The following ULK4 variants were observed in gnomAD, a reference collection of about 807,000 sequenced individuals.
ULK4 encodes the protein unc-51 like kinase 4, also known as inactive serine/threonine-protein kinase ULK4.
A neutral mutation model predicts 160.6 loss-of-function variants in ULK4; 133 were observed. The ratio of observed to expected loss-of-function variants is 0.83; its 90% CI spans 0.72 to 0.96. ULK4 has a LOEUF of 0.96. ULK4 is among the 40% of genes least tolerant of loss of function. The pLI, the probability that ULK4 is intolerant of heterozygous loss-of-function variation, is 0.00. For missense variants in ULK4, 1,580 were observed against 1,499.5 expected, an observed-to-expected ratio of 1.05 and a Z score of -0.89; for synonymous variants, 534 against 539.8, an observed-to-expected ratio of 0.99 and a Z score of 0.15.
intron 17 of ULK4, chr3:41,859,321 A>AC: frequency 1.7e-6 from 1 of 590,522 alleles, no homozygotes; most frequent in Non-Finnish European, 3.3e-6. Flanking sequence ...GACCTCAAAG[A>AC]CTGAGCACTG....
At chr3:41,689,714 A>C (rs1357371629) in intron 27 of ULK4, among the ~76,000 whole-genome samples, 1 of 152,256 alleles carries the variant, frequency 6.6e-6, no homozygotes. Context: ...TGGCTATCAG[A>C]GAAATGCAAA....
In ULK4 at chr3:41,353,672, A is replaced by AAATAAT. The variant is rs142972443; in HGVS notation, c.3678+44401_3678+44406dup. ...AATGGAGCAAGACCCTTTCTCTAAT[A>AAATAAT]AATAATAATAATAATAATAATTACA... On this transcript the variant is annotated intron_variant, in intron 35 of 36. Transcript: ENST00000301831. 1.8e-3 allele frequency among the ~76,000 whole-genome samples: 251 copies of AAATAAT among 142,402 alleles called. 3 individuals carry two copies. The highest frequency in any genetic ancestry group is 6.4e-3 in the African/African-American group (241 of 37,688). The allele number at this position is 142,402 out of a possible 152,430, so 93.4% of individuals were successfully genotyped here. A position where few individuals can be genotyped will look rare whatever the true frequency, so the allele number is the denominator to read the frequency against.
intron 32 of ULK4, among the ~76,000 whole-genome samples, chr3:41,555,688 TA>T (rs2087266576): frequency 6.6e-6 from 1 of 152,168 alleles, no homozygotes; most frequent in South Asian, 2.1e-4. Flanking sequence ...CAAAGGAATA[TA>T]AATCATTCTA....
At chr3:41,459,019 G>T (rs2083619856) in intron 33 of ULK4, among the ~76,000 whole-genome samples, 1 of 151,368 alleles carries the variant, frequency 6.6e-6, no homozygotes, top group Non-Finnish European at 1.5e-5. Flanking sequence ...CTCCCAAAGT[G>T]CTGGGATTAC....
rs373137242 is a variant in ULK4 at position 41,943,176 on chromosome 3, G to A, written c.139-4979C>T. On this transcript the variant is annotated intron_variant, in intron 2 of 36. Transcript: ENST00000301831. ...TGCAGTGAGCCAAGATCGTGCCACC[G>A]CACTCCAGCCTGGGCGACAGAGCGA... Among the ~76,000 whole-genome samples the A allele has an allele frequency of 1.7e-3, 246 of 145,790 alleles. 1 individual carries two copies. Among genetic ancestry groups the A allele is most frequent in the African/African-American group, 5.9e-3 (233 of 39,316 alleles).
intron 32 of ULK4, among the ~76,000 whole-genome samples, chr3:41,531,848 G>A (rs2086332044): frequency 1.3e-5 from 2 of 152,170 alleles, no homozygotes; most frequent in Non-Finnish European, 2.9e-5. Context: ...TAGGAAAAAG[G>A]ATTTTCTAAC....
intron 35 of ULK4, among the ~76,000 whole-genome samples, chr3:41,348,287 A>C (rs906741579): frequency 6.6e-6 from 1 of 151,876 alleles, no homozygotes; most frequent in South Asian, 2.1e-4. Flanking sequence ...GAAAGGATGA[A>C]GTTTTGACAC....
chr3:41,690,683 G>T (rs1300730573), intron 27 of ULK4, among the ~76,000 whole-genome samples: 2 of 151,506 alleles, frequency 1.3e-5, no homozygotes, highest in African/African-American at 2.4e-5. Context: ...TTCATCCAGG[G>T]TTCTACGCCA....
intron 31 of ULK4, among the ~76,000 whole-genome samples, chr3:41,610,412 C>G (rs2032615987): frequency 6.6e-6 from 1 of 152,160 alleles, no homozygotes; most frequent in Non-Finnish European, 1.5e-5. Context: ...CATGTAGATT[C>G]TTAAAATAAG....
At chr3:41,888,366 T>C (rs1215035566) in intron 16 of ULK4, among the ~76,000 whole-genome samples, 2 of 152,182 alleles carry the variant, frequency 1.3e-5, no homozygotes, top group Non-Finnish European at 2.9e-5. Flanking sequence ...AAAAGTGGAC[T>C]AGAAAGTTTG....
At chr3:41,473,013 A>C (rs2084032758) in intron 32 of ULK4, among the ~76,000 whole-genome samples, 1 of 152,220 alleles carries the variant, frequency 6.6e-6, no homozygotes, top group Non-Finnish European at 1.5e-5. Flanking sequence ...AAAATTATAT[A>C]ATCAATAGAT....
In ULK4 at chr3:41,922,773, T is replaced by C. The variant is rs369859889; in HGVS notation, c.542-2955A>G. Among the ~76,000 whole-genome samples, 16 of 152,094 alleles carry C rather than the reference T, an allele frequency of 1.1e-4. No homozygotes were observed. In the East Asian group the frequency reaches 2.9e-3, roughly 28 times the overall value. ...ATGGGAAAATCTGGTCAGATTGCAA[T>C]GTACGATGGACTCCATGCAAAGAGA... On this transcript the variant is annotated intron_variant, in intron 5 of 36. Transcript: ENST00000301831.
chr3:41,275,664 C>T (rs1028394246), intron 35 of ULK4, among the ~76,000 whole-genome samples: 4 of 152,244 alleles, frequency 2.6e-5, no homozygotes, highest in Admixed American at 1.3e-4. Flanking sequence ...CAAACTTTTT[C>T]AGCTACCAGT....
At chr3:41,748,934 G>A (rs56319600) in intron 22 of ULK4, among the ~76,000 whole-genome samples, 7,752 of 152,174 alleles carry the variant, frequency 0.051, 653 homozygotes, top group African/African-American at 0.17. Context: ...GGATGGTGGT[G>A]GTTGGCAGAA....
intron 30 of ULK4, among the ~76,000 whole-genome samples, chr3:41,633,098 G>T (rs1346308853): frequency 1.3e-5 from 2 of 152,172 alleles, no homozygotes; most frequent in African/African-American, 4.8e-5. Context: ...CAAAAAGAAG[G>T]TAGCGAAAGA....
chr3:41,469,077 C>G (rs1463735840), intron 32 of ULK4, among the ~76,000 whole-genome samples: 8 of 152,144 alleles, frequency 5.3e-5, no homozygotes, highest in Non-Finnish European at 1.5e-5. Context: ...CAGTCAGCCT[C>G]CAGGACCAGC....
intron 35 of ULK4, among the ~76,000 whole-genome samples, chr3:41,330,013 G>C (rs9819537): frequency 0.21 from 32,325 of 152,044 alleles, 3,596 homozygotes; most frequent in South Asian, 0.29. Flanking sequence ...CAGGCCTAGT[G>C]GTTCCTCTCT....
At chr3:41,669,948 A>T (rs1040718572) in intron 29 of ULK4, among the ~76,000 whole-genome samples, 1 of 152,238 alleles carries the variant, frequency 6.6e-6, no homozygotes, top group Non-Finnish European at 1.5e-5. Flanking sequence ...CATAGAATGG[A>T]GCAGGAAGAT....
intron 18 of ULK4, among the ~76,000 whole-genome samples, chr3:41,834,365 T>C (rs182771799): frequency 1.1e-3 from 166 of 152,252 alleles, no homozygotes; most frequent in African/African-American, 3.9e-3. Context: ...TCCCAATCAA[T>C]ACACAGATTC....
Sources: gnomAD v4.1 joint callset for allele counts (sites outside exome capture counted in the v4.1 genomes callset) on GRCh38, gnomAD v4.1.1 for gene constraint, MANE v1.5 for transcripts, NCBI Gene and HGNC (gene_info 2026-07-23, HGNC 2026-07-21) for gene names.